Variants in KLHL1 observed in about 807,000 individuals in gnomAD.
KLHL1 encodes the protein kelch like family member 1.
KLHL1 carries 47 observed loss-of-function variants against 77.7 expected under a neutral mutation model. The observed-to-expected ratio is 0.60, with a 90% CI of 0.48 to 0.77. The LOEUF (loss-of-function observed/expected upper bound fraction) is 0.77. Among genes scored for constraint, KLHL1 ranks in the 30% least tolerant of loss-of-function variants. The probability of loss-of-function intolerance (pLI) is 0.00; values close to 1 mark genes in which losing one functional copy is unlikely to be tolerated. For synonymous variants in KLHL1, 360 were observed against 325.2 expected (o/e 1.11, Z -1.15); for missense variants, 925 against 910.8 (o/e 1.02, Z -0.20).
chr13:69,995,065 G>A lies in KLHL1; in HGVS notation c.498-19263C>T, dbSNP rs199659260. ...TGCCAGTAGCCCAGTTAAGCCAGTC[G>A]CCTTTTAAGGATAAAGAAAGTTTTA... On this transcript the variant is annotated intron_variant, in intron 1 of 10. Transcript: ENST00000377844. Among the ~76,000 whole-genome samples the A allele has an allele frequency of 7.2e-5, 11 of 152,116 alleles. No individual in the cohort carries two copies. In the East Asian group the frequency reaches 9.7e-4, roughly 13 times the overall value.
At chr13:70,097,880 CCTTT>C (rs980983630) in intron 1 of KLHL1, among the ~76,000 whole-genome samples, 3 of 123,144 alleles carry the variant, frequency 2.4e-5, no homozygotes, top group East Asian at 2.7e-4. Context: ...TGTTTGATTT[CCTTT>C]CTGTTTTTTT....
intron 1 of KLHL1, among the ~76,000 whole-genome samples, chr13:70,089,773 AT>A (rs1887630492): frequency 6.6e-6 from 1 of 152,130 alleles, no homozygotes; most frequent in South Asian, 2.1e-4. Context: ...ACTTGCCTCA[AT>A]TTTTAAGTTA....
At chr13:70,093,508 GA>G (rs1461733288) in intron 1 of KLHL1, among the ~76,000 whole-genome samples, 1 of 151,930 alleles carries the variant, frequency 6.6e-6, no homozygotes, top group Admixed American at 6.6e-5. Flanking sequence ...GCACTTTAAA[GA>G]AAAAATATCA....
At chr13:69,884,180 AACTT>A (rs1213820929) in intron 4 of KLHL1, among the ~76,000 whole-genome samples, 1 of 152,206 alleles carries the variant, frequency 6.6e-6, no homozygotes, top group East Asian at 1.9e-4. Context: ...AAAGGGCACT[AACTT>A]ACTTTCTTTC....
chr13:69,958,885 G>C (rs990463690), intron 3 of KLHL1, among the ~76,000 whole-genome samples: 3 of 151,914 alleles, frequency 2.0e-5, no homozygotes, highest in African/African-American at 7.3e-5. Context: ...GAGTTAGGTA[G>C]ATAGTACAGT....
intron 8 of KLHL1, among the ~76,000 whole-genome samples, chr13:69,734,499 C>CAA (rs3024251): frequency 0.4 from 59,996 of 151,528 alleles, 12,549 homozygotes; most frequent in African/African-American, 0.52. Context: ...AATTTAAAGA[C>CAA]GAGTAAGTAG....
intron 6 of KLHL1, among the ~76,000 whole-genome samples, chr13:69,798,584 T>C (rs1306198728): frequency 6.6e-6 from 1 of 151,978 alleles, no homozygotes; most frequent in Non-Finnish European, 1.5e-5. Flanking sequence ...TTTATTAACA[T>C]GTATAATATT....
intron 1 of KLHL1, among the ~76,000 whole-genome samples, chr13:70,075,917 G>C (rs1209234244): frequency 6.7e-6 from 1 of 149,926 alleles, no homozygotes; most frequent in Non-Finnish European, 1.5e-5. Flanking sequence ...AAATATTTAG[G>C]TCAAAATCTA....
intron 1 of KLHL1, among the ~76,000 whole-genome samples, chr13:70,080,828 T>C (rs1887375606): frequency 6.6e-6 from 1 of 152,090 alleles, no homozygotes; most frequent in African/African-American, 2.4e-5. Context: ...TTGAACCTCC[T>C]GACCTCAAGC....
chr13:70,073,664 CT>C (rs1262546904), intron 1 of KLHL1, among the ~76,000 whole-genome samples: 1 of 151,988 alleles, frequency 6.6e-6, no homozygotes, highest in Admixed American at 6.6e-5. Flanking sequence ...GTGTTCTTAG[CT>C]GCTTGGGATG....
intron 4 of KLHL1, among the ~76,000 whole-genome samples, chr13:69,888,898 T>C (rs1322261916): frequency 6.6e-6 from 1 of 152,046 alleles, no homozygotes; most frequent in African/African-American, 2.4e-5. Context: ...AAATAAGAAT[T>C]TCTAAGTTAT....
intron 5 of KLHL1, among the ~76,000 whole-genome samples, chr13:69,853,192 A>G (rs546805639): frequency 4.9e-4 from 75 of 152,118 alleles, no homozygotes; most frequent in Admixed American, 1.1e-3. Context: ...CTTGAATTGT[A>G]GTTACCCTAA....
intron 4 of KLHL1, among the ~76,000 whole-genome samples, chr13:69,907,459 T>A (rs1383310700): frequency 6.6e-6 from 1 of 152,040 alleles, no homozygotes; most frequent in African/African-American, 2.4e-5. Context: ...ATATTACTTA[T>A]AATTAACAAT....
Position 70,107,304 on chromosome 13 carries a change from G to A in KLHL1, c.396C>T (p.Gly132=). 7 of 1,614,120 alleles carry A rather than the reference G, an allele frequency of 4.3e-6. No homozygotes were observed. Among genetic ancestry groups the A allele is most frequent in the Non-Finnish European group, 5.9e-6 (7 of 1,180,024 alleles). The part of the protein sequence containing the change: ...VESLEEEVVP[G]MDFPGPHEKG... ...TTTCGTGTGGTCCAGGAAAGTCCAT[G>A]CCTGGCACCACCTCCTCCTCTAGTG... Residue 132 remains glycine, a synonymous_variant, in exon 1 of 11, where the codon GGC becomes GGT. Transcript: ENST00000377844.
At chr13:69,917,105 C>T (rs1232446817) in intron 4 of KLHL1, among the ~76,000 whole-genome samples, 1 of 151,796 alleles carries the variant, frequency 6.6e-6, no homozygotes, top group African/African-American at 2.4e-5. Context: ...CATATACACA[C>T]AGATTTGTGG....
chr13:69,968,807 C>G (rs753278757), intron 2 of KLHL1, among the ~76,000 whole-genome samples: 1 of 151,908 alleles, frequency 6.6e-6, no homozygotes, highest in Non-Finnish European at 1.5e-5. Context: ...TTTTCTTAAT[C>G]GAGCCTATCA....
intron 5 of KLHL1, among the ~76,000 whole-genome samples, chr13:69,874,128 A>G (rs1345200655): frequency 2.0e-5 from 3 of 152,106 alleles, no homozygotes; most frequent in Non-Finnish European, 4.4e-5. Flanking sequence ...TACTCATACG[A>G]ATAACAAAAA....
chr13:69,933,521 G>A (rs1054906439), intron 4 of KLHL1, among the ~76,000 whole-genome samples: 15 of 149,402 alleles, frequency 1.0e-4, no homozygotes, highest in Non-Finnish European at 1.5e-4. Context: ...CATTGATATA[G>A]TTTGTTCTTT....
At chr13:69,997,693 A>T (rs1248788491) in intron 1 of KLHL1, among the ~76,000 whole-genome samples, 1 of 136,798 alleles carries the variant, frequency 7.3e-6, no homozygotes, top group South Asian at 2.3e-4. Context: ...TATATATATA[A>T]TATAAATACA....
Sources: gnomAD v4.1 joint callset for allele counts (sites outside exome capture counted in the v4.1 genomes callset) on GRCh38, gnomAD v4.1.1 for gene constraint, MANE v1.5 for transcripts, NCBI Gene and HGNC (gene_info 2026-07-23, HGNC 2026-07-21) for gene names.